Variants in EPS15 observed in about 807,000 individuals in gnomAD.
The protein encoded by EPS15 is epidermal growth factor receptor pathway substrate 15.
EPS15 carries 72 observed loss-of-function variants against 113.8 expected under a neutral mutation model. The ratio of observed to expected loss-of-function variants is 0.63; its 90% CI spans 0.52 to 0.77. EPS15 has a LOEUF of 0.77. Ranked by LOEUF, EPS15 falls within the 30% of genes least tolerant of loss-of-function variation. EPS15 has a pLI of 0.00. For missense variants in EPS15, 1,048 were observed against 1,045.8 expected (o/e 1.00, Z -0.03); for synonymous variants, 344 against 363.4 (o/e 0.95, Z 0.61).
At chr1:51,449,139 A>G (rs1321676080) in intron 8 of EPS15, among the ~76,000 whole-genome samples, 1 of 152,196 alleles carries the variant, frequency 6.6e-6, no homozygotes, top group Non-Finnish European at 1.5e-5. Context: ...ATATGCACAC[A>G]TATGTTCATC....
chr1:51,438,404 G>A (rs1364957783), intron 12 of EPS15, among the ~76,000 whole-genome samples: 1 of 152,144 alleles, frequency 6.6e-6, no homozygotes, highest in African/African-American at 2.4e-5. Context: ...GTTATTGAAA[G>A]ATTAGTTGAC....
rs751193870 is a variant in EPS15 at position 51,436,846 on chromosome 1, T to C, written c.1040+3501A>G. Among the ~76,000 whole-genome samples, 103 of 152,156 alleles carry C rather than the reference T, an allele frequency of 6.8e-4. 1 individual carries two copies. The highest frequency in any genetic ancestry group is 3.4e-3 in the Middle Eastern group (1 of 294). On this transcript the variant is annotated intron_variant, in intron 12 of 24. Transcript: ENST00000371733. ...ATGGTGATGTCACTGAGAAGGGAGA[T>C]ACAAAACAGAGGTGAGGGGACAATT...
At chr1:51,461,203 A>G in intron 7 of EPS15, 53 bp from the exon 8 acceptor site, 1 of 1,299,478 alleles carries the variant, frequency 7.7e-7, no homozygotes, top group Non-Finnish European at 1.1e-6. Flanking sequence ...TTCATGTTCT[A>G]CTCGAGGGCA....
intron 24 of EPS15, among the ~76,000 whole-genome samples, chr1:51,360,715 A>G (rs1215009310): frequency 6.6e-6 from 1 of 152,172 alleles, no homozygotes; most frequent in Non-Finnish European, 1.5e-5. Flanking sequence ...ATCCTCTCAT[A>G]TAATATTTGC....
intron 1 of EPS15, among the ~76,000 whole-genome samples, chr1:51,494,272 C>T (rs1342573322): frequency 1.3e-5 from 2 of 152,216 alleles, no homozygotes; most frequent in African/African-American, 2.4e-5. Flanking sequence ...AGCACCTTGT[C>T]CTCCAACCAC....
chr1:51,450,052 A>C (rs944849158), intron 8 of EPS15, among the ~76,000 whole-genome samples: 2 of 151,694 alleles, frequency 1.3e-5, no homozygotes, highest in African/African-American at 4.9e-5. Flanking sequence ...TTCTTACTGG[A>C]TCACTCAAGA....
At chr1:51,435,471 G>A (rs754361423) in intron 12 of EPS15, among the ~76,000 whole-genome samples, 4 of 152,222 alleles carry the variant, frequency 2.6e-5, no homozygotes, top group Admixed American at 1.3e-4. Context: ...TGGGATTACA[G>A]GTGTGAGCCA....
chr1:51,379,517 G>C (rs1477087302), intron 21 of EPS15, among the ~76,000 whole-genome samples: 1 of 152,164 alleles, frequency 6.6e-6, no homozygotes, highest in Admixed American at 6.5e-5. Context: ...TGTCAACTGA[G>C]AATTCTGTAT....
At chr1:51,449,459 T>C (rs1653352521) in intron 8 of EPS15, among the ~76,000 whole-genome samples, 1 of 151,974 alleles carries the variant, frequency 6.6e-6, no homozygotes, top group South Asian at 2.1e-4. Context: ...AAGAAGAGGT[T>C]CAAAAAACTA....
intron 1 of EPS15, among the ~76,000 whole-genome samples, chr1:51,500,229 A>G (rs1454717057): frequency 1.3e-5 from 2 of 152,224 alleles, no homozygotes; most frequent in Non-Finnish European, 2.9e-5. Context: ...CCTTTTGGTC[A>G]CTGTGGATAA....
chr1:51,446,934 A>C, intron 10 of EPS15, 26 bp downstream of exon 10: 1 of 1,550,880 alleles, frequency 6.4e-7, no homozygotes, highest in African/African-American at 1.4e-5. Flanking sequence ...CATATTTTTA[A>C]AAAATCAATT....
intron 21 of EPS15, among the ~76,000 whole-genome samples, chr1:51,378,203 A>ATTTTT (rs59739270): frequency 6.8e-6 from 1 of 147,058 alleles, no homozygotes; most frequent in Non-Finnish European, 1.5e-5. Context: ...GATCATTAGC[A>ATTTTT]TTTTTTTTTT....
chr1:51,385,855 T>A (rs540494066), intron 21 of EPS15, among the ~76,000 whole-genome samples: 2 of 152,054 alleles, frequency 1.3e-5, no homozygotes, highest in Admixed American at 1.3e-4. Context: ...AGAGTAGTAA[T>A]GATGGTTGTT....
At chr1:51,452,198 T>C (rs548160692) in intron 8 of EPS15, among the ~76,000 whole-genome samples, 1 of 152,190 alleles carries the variant, frequency 6.6e-6, no homozygotes, top group East Asian at 1.9e-4. Context: ...TGTTAAATTT[T>C]TTCTTCCAGA....
Position 51,404,718 on chromosome 1 carries a change from A to T in EPS15, c.1678-1186T>A, listed in dbSNP as rs565019530. ...GCTTTAAGATGAATCTAAATTTCTCATCTTCTGGCACTTTCTGACCTAAAA... is the reference window on the plus strand; with the variant it reads ...GCTTTAAGATGAATCTAAATTTCTCTTCTTCTGGCACTTTCTGACCTAAAA... On this transcript the variant is annotated intron_variant, in intron 16 of 24. Transcript: ENST00000371733. 8.7e-4 allele frequency among the ~76,000 whole-genome samples: 132 copies of T among 152,306 alleles called. 1 individual carries two copies. Among genetic ancestry groups the T allele is most frequent in the African/African-American group, 3.2e-3 (131 of 41,582 alleles).
At chr1:51,440,601 T>C (rs1238714893) in intron 11 of EPS15, among the ~76,000 whole-genome samples, 169 bp from the exon 12 acceptor site, 2 of 152,024 alleles carry the variant, frequency 1.3e-5, no homozygotes, top group African/African-American at 4.8e-5. Context: ...TATAATTTTA[T>C]ACTTAATTAT....
At chr1:51,450,295 C>T (rs918412793) in intron 8 of EPS15, among the ~76,000 whole-genome samples, 14 of 151,652 alleles carry the variant, frequency 9.2e-5, no homozygotes, top group African/African-American at 3.4e-4. Flanking sequence ...ATACCTAAGG[C>T]TGGGTAATTT....
chr1:51,485,688 T>C (rs1644106718), intron 1 of EPS15, among the ~76,000 whole-genome samples: 1 of 152,220 alleles, frequency 6.6e-6, no homozygotes, highest in African/African-American at 2.4e-5. Flanking sequence ...CTGAAATATA[T>C]CCTTCAAAAG....
intron 1 of EPS15, among the ~76,000 whole-genome samples, chr1:51,493,041 C>G (rs1336745898): frequency 1.3e-5 from 2 of 151,896 alleles, no homozygotes; most frequent in African/African-American, 4.8e-5. Context: ...TCCTGCCTAA[C>G]ACAGTGAAAC....
Sources: allele counts gnomAD v4.1 joint callset (sites outside exome capture counted in the v4.1 genomes callset), GRCh38; gene constraint gnomAD v4.1.1; transcripts MANE v1.5; gene names NCBI Gene and HGNC (gene_info 2026-07-23, HGNC 2026-07-21).